MEGF11: variants seen among roughly 807,000 people sequenced by gnomAD.
MEGF11 encodes the protein multiple epidermal growth factor-like domains protein 11.
In MEGF11, 126 loss-of-function variants were observed where a neutral mutation model predicts 146.6. The observed-to-expected ratio is 0.86, with a 90% CI of 0.74 to 1.00. The LOEUF (loss-of-function observed/expected upper bound fraction) is 1.00, where lower values mean the gene tolerates loss of function less well. Ranked by LOEUF, MEGF11 falls within the 50% of genes least tolerant of loss-of-function variation. The probability of loss-of-function intolerance (pLI) is 0.00; values close to 1 mark genes in which losing one functional copy is unlikely to be tolerated. For synonymous variants in MEGF11, 532 were observed against 583.4 expected, an observed-to-expected ratio of 0.91 and a Z score of 1.27; for missense variants, 1,509 against 1,521.2, an observed-to-expected ratio of 0.99 and a Z score of 0.13.
intron 1 of MEGF11, among the ~76,000 whole-genome samples, chr15:66,150,260 C>G (rs2089514002): frequency 6.6e-6 from 1 of 152,218 alleles, no homozygotes; most frequent in South Asian, 2.1e-4. Flanking sequence ...CAGTTGGGAT[C>G]AGGAATAATT....
chr15:66,161,733 G>A (rs2089959442), intron 1 of MEGF11, among the ~76,000 whole-genome samples: 1 of 152,112 alleles, frequency 6.6e-6, no homozygotes, highest in Admixed American at 6.5e-5. Context: ...AAGTGAGGAT[G>A]AGCACTCAGA....
chr15:65,964,543 G>A (rs1282291874), intron 9 of MEGF11, among the ~76,000 whole-genome samples: 2 of 152,182 alleles, frequency 1.3e-5, no homozygotes, highest in South Asian at 2.1e-4. Flanking sequence ...TGTGCTCAGA[G>A]CTTGTGGCAC....
At chr15:66,120,972 G>A (rs185599214) in intron 3 of MEGF11, among the ~76,000 whole-genome samples, 59 of 152,312 alleles carry the variant, frequency 3.9e-4, no homozygotes, top group Admixed American at 2.8e-3. Context: ...AGCAAGGCCA[G>A]GTGCCAGGCT....
chr15:66,160,445 C>A (rs1406136716), intron 1 of MEGF11, among the ~76,000 whole-genome samples: 2 of 152,164 alleles, frequency 1.3e-5, no homozygotes, highest in African/African-American at 4.8e-5. Flanking sequence ...AGACACTCAA[C>A]CTCCAGATAT....
rs116268826 is a variant in MEGF11 at position 66,097,042 on chromosome 15, C to T, written c.302-2548G>A. On this transcript the variant is annotated intron_variant, in intron 4 of 25. Coordinates refer to ENST00000395614, the MANE Select transcript of MEGF11 (RefSeq NM_001385028.1). ...CAGTTTCTGTGCTACTCATGGAGGACGGTCATCCCACAGTCCCTTAGCTTG... is the reference window on the plus strand; with the variant it reads ...CAGTTTCTGTGCTACTCATGGAGGATGGTCATCCCACAGTCCCTTAGCTTG... 7.9e-3 allele frequency among the ~76,000 whole-genome samples: 1,201 copies of T among 152,304 alleles called. 19 individuals are homozygous for T. The highest frequency in any genetic ancestry group is 0.028 in the African/African-American group (1,147 of 41,546).
chr15:66,167,852 C>T (rs2090143030), intron 1 of MEGF11, among the ~76,000 whole-genome samples: 1 of 152,210 alleles, frequency 6.6e-6, no homozygotes, highest in Non-Finnish European at 1.5e-5. Flanking sequence ...GCCTCTCAGA[C>T]TTTGTGAGGC....
chr15:66,091,259 A>G (rs760598153), intron 5 of MEGF11, among the ~76,000 whole-genome samples: 8 of 152,206 alleles, frequency 5.3e-5, no homozygotes, highest in African/African-American at 1.7e-4. Flanking sequence ...CCCAAATAGC[A>G]TGTAGCAAGC....
intron 5 of MEGF11, among the ~76,000 whole-genome samples, chr15:66,028,842 G>A (rs1427925599): frequency 2.6e-5 from 4 of 152,216 alleles, no homozygotes; most frequent in African/African-American, 9.6e-5. Context: ...AGGATCAGAA[G>A]GGACTATGCA....
intron 5 of MEGF11, among the ~76,000 whole-genome samples, chr15:66,075,013 G>C (rs1188972904): frequency 6.6e-6 from 1 of 152,126 alleles, no homozygotes; most frequent in East Asian, 1.9e-4. Context: ...TTGATTTGTA[G>C]GATTAAAAAT....
chr15:65,982,401 C>G lies in MEGF11; in HGVS notation c.482G>C (p.Cys161Ser). The change falls in exon 6 of 26, where the codon TGC becomes TCC. Residue 161 changes from cysteine to serine, a missense_variant. Transcript: ENST00000395614. This position sits in a 1 kb window ranked among gnomAD's most constrained non-coding sequence, Gnocchi z 5.6. ...TCCACGGAAGCCGGCGGCGCACACG[C>G]AGGCGCCTGTGATGGGGTTACACAG... ...GALCNPITGA[C>S]VCAAGFRGWR... The G allele has an allele frequency of 6.5e-7, 1 of 1,533,514 alleles. No homozygotes were observed. Among genetic ancestry groups the G allele is most frequent in the Non-Finnish European group, 8.8e-7 (1 of 1,142,236 alleles). The allele number at this position is 1,533,514 out of a possible 1,614,324, so 95.0% of individuals were successfully genotyped here.
chr15:66,165,675 C>T (rs2090078896), intron 1 of MEGF11, among the ~76,000 whole-genome samples: 1 of 152,112 alleles, frequency 6.6e-6, no homozygotes. Context: ...TTTTCCTCTC[C>T]CTCATTTCTC....
At chr15:65,965,609 T>TCTTTCTTTCTTTCTTTCTTTCTTTC (rs1567180128) in intron 8 of MEGF11, among the ~76,000 whole-genome samples, 3 of 80,360 alleles carry the variant, frequency 3.7e-5, no homozygotes, top group Admixed American at 1.4e-4. Context: ...TCTTTTTTTT[T>TCTTTCTTTCTTTCTTTCTTTCTTTC]TTTCTTTTTT....
At chr15:66,253,135 A>G (rs962360569) in intron 1 of MEGF11, among the ~76,000 whole-genome samples, 1 of 152,174 alleles carries the variant, frequency 6.6e-6, no homozygotes, top group African/African-American at 2.4e-5. Context: ...GCGTCCCCGC[A>G]GGCTCTGCCT....
At chr15:66,170,876 G>A (rs1167171642) in intron 1 of MEGF11, among the ~76,000 whole-genome samples, 2 of 152,236 alleles carry the variant, frequency 1.3e-5, no homozygotes, top group East Asian at 3.9e-4. Flanking sequence ...ACTGCCTAAT[G>A]CCAGAGGCTG....
chr15:66,183,364 G>T (rs1278229537), intron 1 of MEGF11, among the ~76,000 whole-genome samples: 2 of 152,008 alleles, frequency 1.3e-5, no homozygotes, highest in Non-Finnish European at 2.9e-5. Context: ...GCCAAGAATG[G>T]TGGCTCACGG....
In MEGF11 at chr15:66,039,814, C is replaced by CAGCCTTCTCTCATCCCTA. The variant is rs1567213481; in HGVS notation, c.394+54587_394+54588insTAGGGATGAGAGAAGGCT. Among the ~76,000 whole-genome samples the CAGCCTTCTCTCATCCCTA allele has an allele frequency of 1.0e-3, 83 of 80,256 alleles. 2 individuals are homozygous for CAGCCTTCTCTCATCCCTA. Among genetic ancestry groups the CAGCCTTCTCTCATCCCTA allele is most frequent in the East Asian group, 2.3e-3 (3 of 1,296 alleles). 52.7% of individuals were successfully genotyped at this position (80,256 alleles called of 152,430 possible). The stretch of plus-strand genomic sequence containing the variant: ...GGTCAGGCGGCGGTGGGGTGACGGT[C>CAGCCTTCTCTCATCCCTA]CTGAGCCGGGTCAGGCGGCGGTGGG... On this transcript the variant is annotated intron_variant, in intron 5 of 25. Coordinates refer to ENST00000395614, the MANE Select transcript of MEGF11 (RefSeq NM_001385028.1).
intron 1 of MEGF11, among the ~76,000 whole-genome samples, chr15:66,157,407 C>T (rs1485148970): frequency 1.3e-5 from 2 of 152,184 alleles, no homozygotes; most frequent in Admixed American, 6.5e-5. Context: ...TCCCACACAC[C>T]CCATGTCACG....
chr15:66,226,652 C>T (rs1419215988), intron 1 of MEGF11, among the ~76,000 whole-genome samples: 1 of 152,082 alleles, frequency 6.6e-6, no homozygotes, highest in East Asian at 1.9e-4. Flanking sequence ...TCTTACTATA[C>T]CTAATTTACA....
chr15:66,240,105 C>G (rs1029347542), intron 1 of MEGF11, among the ~76,000 whole-genome samples: 2 of 152,176 alleles, frequency 1.3e-5, no homozygotes, highest in South Asian at 4.2e-4. Flanking sequence ...CCCAGCCCCC[C>G]AATAAAGCAC....
Sources: allele counts gnomAD v4.1 joint callset (sites outside exome capture counted in the v4.1 genomes callset), GRCh38; gene constraint gnomAD v4.1.1; non-coding constraint Gnocchi (gnomAD v3.1); transcripts MANE v1.5; gene names NCBI Gene and HGNC (gene_info 2026-07-23, HGNC 2026-07-21).